The following NWD1 variants were observed in gnomAD, a reference collection of about 807,000 sequenced individuals.
The protein encoded by NWD1 is NACHT domain- and WD repeat-containing protein 1.
Under a neutral mutation model 135.1 loss-of-function variants are expected in NWD1, and 129 were observed. The ratio of observed to expected loss-of-function variants is 0.96; its 90% CI spans 0.83 to 1.11. The LOEUF (loss-of-function observed/expected upper bound fraction) is 1.11, where lower values mean the gene tolerates loss of function less well. NWD1 is among the 50% of genes least tolerant of loss of function. The pLI is 0.00. For missense variants in NWD1, 1,740 were observed against 1,851.3 expected (o/e 0.94, Z 1.10); for synonymous variants, 773 against 786.0 (o/e 0.98, Z 0.28).
intron 1 of NWD1, among the ~76,000 whole-genome samples, chr19:16,723,746 C>T (rs1967222945): frequency 6.6e-6 from 1 of 151,982 alleles, no homozygotes; most frequent in Non-Finnish European, 1.5e-5. Flanking sequence ...GTTGCCAAGG[C>T]TGGGTGTGGT....
intron 5 of NWD1, among the ~76,000 whole-genome samples, chr19:16,747,515 C>T (rs1246059410): frequency 6.6e-6 from 1 of 151,498 alleles, no homozygotes; most frequent in Non-Finnish European, 1.5e-5. Flanking sequence ...TAGCTGGGAC[C>T]GCAGTCACAC....
chr19:16,740,534 C>T (rs1038227380), intron 4 of NWD1, among the ~76,000 whole-genome samples: 17 of 151,554 alleles, frequency 1.1e-4, no homozygotes, highest in Non-Finnish European at 2.1e-4. Context: ...GACAGGGTTT[C>T]GCCATGTTGG....
At position 16,750,312 on chromosome 19, in the gene NWD1, C is replaced by T; in HGVS notation, c.1670C>T (p.Thr557Ile). Residue 557 changes from threonine (T) to isoleucine (I), a missense_variant, in exon 6 of 19, where the codon ACC becomes ATC. Thr to Ile is a moderately conservative substitution (Grantham distance 89). Transcript: ENST00000524140. ...ASFTVPVPLA[T>I]TAEEATHQLC... Reference sequence around the variant, plus strand: ...TTCACCGTGCCTGTCCCGCTGGCCACCACCGCAGAGGAAGCCACGCACCAA... The same window carrying T: ...TTCACCGTGCCTGTCCCGCTGGCCATCACCGCAGAGGAAGCCACGCACCAA... The T allele has an allele frequency of 6.2e-7, 1 of 1,613,612 alleles. No individual in the cohort carries two copies. Among genetic ancestry groups the T allele is most frequent in the Non-Finnish European group, 8.5e-7 (1 of 1,179,988 alleles).
intron 5 of NWD1, among the ~76,000 whole-genome samples, chr19:16,746,708 G>A (rs1050169674): frequency 6.6e-6 from 1 of 151,244 alleles, no homozygotes; most frequent in Non-Finnish European, 1.5e-5. Context: ...AAAAACAGTC[G>A]ATGAACACAT....
intron 2 of NWD1, among the ~76,000 whole-genome samples, chr19:16,729,340 T>C (rs1237442562): frequency 1.3e-5 from 2 of 151,996 alleles, no homozygotes; most frequent in Non-Finnish European, 2.9e-5. Context: ...CCAGAATCCA[T>C]AGATCCGGGA....
intron 6 of NWD1, among the ~76,000 whole-genome samples, chr19:16,751,444 GAAGGAGAGAGAAAGAAAGGA>G (rs953492916): frequency 4.3e-4 from 65 of 151,330 alleles, no homozygotes; most frequent in African/African-American, 1.5e-3. Context: ...AGGAAGGAAG[GAAGGAGAGAGAAAGAAAGGA>G]AGAGAGAAAG....
At chr19:16,799,036 A>T in intron 16 of NWD1, among the ~76,000 whole-genome samples, 1 of 151,976 alleles carries the variant, frequency 6.6e-6, no homozygotes, top group East Asian at 1.9e-4. Flanking sequence ...ACCCTCCAGG[A>T]GTTCCCTGGA....
chr19:16,797,805 A>G lies in NWD1; in HGVS notation c.3378A>G (p.Glu1126=). The G allele has an allele frequency of 6.2e-7, 1 of 1,613,904 alleles. No individual in the cohort carries two copies. Among genetic ancestry groups the G allele is most frequent in the Non-Finnish European group, 8.5e-7 (1 of 1,179,770 alleles). ...GCCGATTCATGGCCATGGATCTGGA[A>G]CATGAAGACATGGTGGAGACGGCTG... ...GFRRFMAMDL[E]HEDMVETAVF... Residue 1126 remains glutamate, a synonymous_variant, in exon 16 of 19, where the codon GAA becomes GAG. Transcript: ENST00000524140.
chr19:16,813,067 G>C (rs887921190), intron 18 of NWD1, among the ~76,000 whole-genome samples: 2 of 152,190 alleles, frequency 1.3e-5, no homozygotes, highest in African/African-American at 4.8e-5. Flanking sequence ...GTTTTCATTA[G>C]GGCATGCACA....
At chr19:16,790,670 T>A (rs996827034) in intron 13 of NWD1, among the ~76,000 whole-genome samples, 7 of 150,806 alleles carry the variant, frequency 4.6e-5, no homozygotes, top group African/African-American at 1.5e-4. Flanking sequence ...AATAAATAAA[T>A]AAAAACACTT....
chr19:16,763,956 C>A lies in NWD1; in HGVS notation c.2251+11C>A. Reference sequence around the variant, plus strand: ...AACAGGAGGTTCTGGGTAAGGGCTGCCCCCCATCTCAGAGGACCGAGCCTG... The same window carrying A: ...AACAGGAGGTTCTGGGTAAGGGCTGACCCCCATCTCAGAGGACCGAGCCTG... On this transcript the variant is annotated intron_variant, in intron 9 of 18. Transcript: ENST00000524140. 1 of 1,531,446 alleles carries A rather than the reference C, an allele frequency of 6.5e-7. No homozygotes were observed. The highest frequency in any genetic ancestry group is 9.1e-7 in the Non-Finnish European group (1 of 1,104,830). The allele number at this position is 1,531,446 out of a possible 1,614,324, so 94.9% of individuals were successfully genotyped here.
At chr19:16,794,921 A>T (rs1970369915) in intron 15 of NWD1, among the ~76,000 whole-genome samples, 1 of 152,096 alleles carries the variant, frequency 6.6e-6, no homozygotes, top group Non-Finnish European at 1.5e-5. Context: ...AGCTGGGATT[A>T]CAGGCACACA....
chr19:16,812,674 A>G, intron 18 of NWD1: 2 of 747,938 alleles, frequency 2.7e-6, no homozygotes, highest in Admixed American at 3.5e-5. Context: ...CATCTCAAAA[A>G]CAAACAAACA....
At chr19:16,752,695 C>G (rs1968626719) in intron 6 of NWD1, among the ~76,000 whole-genome samples, 1 of 152,184 alleles carries the variant, frequency 6.6e-6, no homozygotes, top group South Asian at 2.1e-4. Flanking sequence ...CTGGCTTACA[C>G]TCTATAAGAG....
intron 5 of NWD1, chr19:16,744,963 G>T (rs762020297): frequency 3.1e-6 from 2 of 646,896 alleles, no homozygotes; most frequent in African/African-American, 1.8e-5. Context: ...TGTCTCCCAG[G>T]GAGGTTCCTG....
At chr19:16,732,247 G>T (rs1967601616) in intron 3 of NWD1, among the ~76,000 whole-genome samples, 1 of 150,864 alleles carries the variant, frequency 6.6e-6, no homozygotes, top group Admixed American at 6.6e-5. Context: ...CAGATGGAGG[G>T]GTTACAGCCA....
In NWD1 at chr19:16,743,195, G is replaced by A. The variant is rs186407964; in HGVS notation, c.199-1226G>A. Among the ~76,000 whole-genome samples the A allele has an allele frequency of 3.2e-3, 482 of 151,174 alleles. 2 individuals carry two copies. The highest frequency in any genetic ancestry group is 0.011 in the African/African-American group (458 of 41,148). ...CAAAGTGTTGAGATTACAGGCGTGA[G>A]CCACCTTGCCTGGCCCCATTATTTG... On this transcript the variant is annotated intron_variant, in intron 4 of 18. Transcript: ENST00000524140.
At position 16,800,129 on chromosome 19, in the gene NWD1, A is replaced by T; in HGVS notation, c.3703A>T (p.Lys1235Ter). Reference protein sequence around the residue: ...SYVYFPKIGDKNKVTIWDLAE... With the variant: ...SYVYFPKIGD ...CGTCTACTTCCCCAAAATTGGGGAC[A>T]AAAACAAAGTCACTATTTGGGACTT... is the stretch of plus-strand genomic sequence containing the variant. The change falls in exon 17 of 19, where the codon AAA becomes TAA. Residue 1235 changes from lysine (K) to a stop codon, truncating the protein, a stop_gained. Coordinates refer to ENST00000524140, the MANE Select transcript of NWD1 (RefSeq NM_001007525.5). LOFTEE classifies it high-confidence loss of function. 1.2e-6 allele frequency: 2 copies of T among 1,613,734 alleles called. No homozygotes were observed. Among genetic ancestry groups the T allele is most frequent in the Non-Finnish European group, 1.7e-6 (2 of 1,179,810 alleles).
In NWD1 at chr19:16,759,397, G is replaced by A. The variant is rs1968925295; in HGVS notation, c.1942G>A (p.Asp648Asn). 6.3e-7 allele frequency: 1 copy of A among 1,584,512 alleles called. No individual in the cohort carries two copies. Among genetic ancestry groups the A allele is most frequent in the Non-Finnish European group, 8.6e-7 (1 of 1,167,480 alleles). The part of the protein sequence containing the change: ...LGYYLARRPV[D>N]GFTLLAIAHR... Reference sequence around the variant, plus strand: ...ATACTACTTGGCCCGGCGGCCCGTGGATGGCTTCACCCTCCTGGCCATTGC... The same window carrying A: ...ATACTACTTGGCCCGGCGGCCCGTGAATGGCTTCACCCTCCTGGCCATTGC... Residue 648 changes from aspartate (D) to asparagine (N), a missense_variant, in exon 7 of 19, where the codon GAT (aspartate) becomes AAT (asparagine). Asp to Asn is a conservative substitution (Grantham distance 23). Coordinates refer to ENST00000524140, the MANE Select transcript of NWD1 (RefSeq NM_001007525.5).
Sources: gnomAD v4.1 joint callset for allele counts (sites outside exome capture counted in the v4.1 genomes callset) on GRCh38, gnomAD v4.1.1 for gene constraint, MANE v1.5 for transcripts, NCBI Gene and HGNC (gene_info 2026-07-23, HGNC 2026-07-21) for gene names.